PTK2B: variants seen among roughly 807,000 people sequenced by gnomAD.
PTK2B encodes the protein protein tyrosine kinase 2 beta, also known as protein-tyrosine kinase 2-beta.
In PTK2B, 71 loss-of-function variants were observed where a neutral mutation model predicts 142.9. The observed-to-expected ratio is 0.50, with a 90% CI of 0.41 to 0.61. The LOEUF is 0.61. Among genes scored for constraint, PTK2B ranks in the 20% least tolerant of loss-of-function variants. The pLI is 0.00. For missense variants in PTK2B, 1,105 were observed against 1,320.4 expected (o/e 0.84, Z 2.53); for synonymous variants, 519 against 503.4 (o/e 1.03, Z -0.42).
At chr8:27,383,935 G>A (rs570635346) in intron 1 of PTK2B, among the ~76,000 whole-genome samples, 5 of 149,096 alleles carry the variant, frequency 3.4e-5, no homozygotes, top group East Asian at 2.0e-4. Flanking sequence ...CACAACCTTC[G>A]CCTCCCAGGT....
chr8:27,400,343 C>T (rs542264114), intron 2 of PTK2B, among the ~76,000 whole-genome samples: 74 of 151,822 alleles, frequency 4.9e-4, no homozygotes, highest in African/African-American at 1.7e-3. Context: ...TAAACAATTT[C>T]TTATTTGCCT....
chr8:27,337,528 C>T lies in PTK2B; in HGVS notation c.-38+11847C>T, dbSNP rs117635107. On this transcript the variant is annotated intron_variant, in intron 1 of 30. Transcript: ENST00000346049. ...AGTCACACCGTGTTCTCCACTCCCC[C>T]GTCCCCTGGCAAGACTAATCTACTT... Among the ~76,000 whole-genome samples the T allele has an allele frequency of 3.8e-3, 580 of 152,338 alleles. 1 individual carries two copies. Among genetic ancestry groups the T allele is most frequent in the Non-Finnish European group, 5.9e-3 (404 of 68,030 alleles).
intron 1 of PTK2B, among the ~76,000 whole-genome samples, chr8:27,370,437 C>T (rs1471616064): frequency 6.6e-6 from 1 of 152,226 alleles, no homozygotes; most frequent in Admixed American, 6.5e-5. Context: ...GTAAGTCTGA[C>T]AGTGTGTGAA....
chr8:27,416,820 G>A (rs1809429032), intron 2 of PTK2B, among the ~76,000 whole-genome samples: 1 of 152,156 alleles, frequency 6.6e-6, no homozygotes, highest in Admixed American at 6.5e-5. Context: ...ACTTTACAGA[G>A]GAAGGTATAT....
chr8:27,417,358 T>G (rs1809463441), intron 2 of PTK2B, among the ~76,000 whole-genome samples: 1 of 152,186 alleles, frequency 6.6e-6, no homozygotes, highest in South Asian at 2.1e-4. Context: ...TGATTCCATT[T>G]ATACGAAGTT....
chr8:27,406,650 G>C (rs1262981434), intron 2 of PTK2B, among the ~76,000 whole-genome samples: 1 of 152,142 alleles, frequency 6.6e-6, no homozygotes, highest in Non-Finnish European at 1.5e-5. Flanking sequence ...TGGTTCTCAC[G>C]ATGATTGGGG....
chr8:27,375,988 G>C (rs957247953), intron 1 of PTK2B, among the ~76,000 whole-genome samples: 10 of 152,224 alleles, frequency 6.6e-5, no homozygotes, highest in African/African-American at 2.4e-4. Context: ...AGTCTGCTCA[G>C]CCGTGCTGTG....
chr8:27,335,828 CAG>C lies in PTK2B; in HGVS notation c.-38+10148_-38+10149del, dbSNP rs377241664. 1.6e-3 allele frequency among the ~76,000 whole-genome samples: 248 copies of C among 152,230 alleles called. 1 individual carries two copies. Among genetic ancestry groups the C allele is most frequent in the African/African-American group, 4.5e-3 (187 of 41,522 alleles). On this transcript the variant is annotated intron_variant, in intron 1 of 30. Coordinates refer to ENST00000346049, the MANE Select transcript of PTK2B (RefSeq NM_173176.3). Reference sequence around the variant, plus strand: ...CCTGTTTTTTATTTGTATGTGCAATCAGGGGGTGTGGGGACTTTTTAGCAAAG... The same window carrying C: ...CCTGTTTTTTATTTGTATGTGCAATCGGGGTGTGGGGACTTTTTAGCAAAG...
At chr8:27,359,093 T>C (rs547912631) in intron 1 of PTK2B, among the ~76,000 whole-genome samples, 1 of 152,296 alleles carries the variant, frequency 6.6e-6, no homozygotes, top group East Asian at 1.9e-4. Context: ...ATACCTTCTT[T>C]TTTTTCTATT....
At chr8:27,442,650 A>T (rs958608497) in intron 21 of PTK2B, among the ~76,000 whole-genome samples, 6 of 152,086 alleles carry the variant, frequency 3.9e-5, no homozygotes, top group Non-Finnish European at 7.4e-5. Context: ...TCCACCTTGG[A>T]TCCATTCCTG....
rs777762791 is a variant in PTK2B, at chr8:27,437,080, AC to A, written c.1342-41del. ...GCCAGGAGGGAACATTCTGCTGAGC[AC>A]TGGGCTGGACCAAGGGGTCCTGAAC... On this transcript the variant is annotated intron_variant, in intron 15 of 30. Transcript: ENST00000346049. The A allele has an allele frequency of 8.9e-6, 14 of 1,575,758 alleles. No individual in the cohort carries two copies. The Admixed American group carries it at 1.3e-4, about 15-fold the overall frequency.
In PTK2B at chr8:27,442,921, A is replaced by G; in HGVS notation, c.2086A>G (p.Asn696Asp). The change falls in exon 22 of 31, where the codon AAT becomes GAT. Residue 696 changes from asparagine (N) to aspartate (D), a missense_variant. Coordinates refer to ENST00000346049, the MANE Select transcript of PTK2B (RefSeq NM_173176.3). The stretch of plus-strand genomic sequence containing the variant: ...GGACATTGCCATGGAGCAAGAGAGG[A>G]ATGCTCGCTACCGAACCCCCAAAAT... ...EKDIAMEQER[N>D]ARYRTPKILE... is the part of the protein sequence containing the mutation. The G allele has an allele frequency of 6.2e-7, 1 of 1,614,132 alleles. No homozygotes were observed. The highest frequency in any genetic ancestry group is 8.5e-7 in the Non-Finnish European group (1 of 1,180,004).
chr8:27,334,497 C>T (rs1231912485), intron 1 of PTK2B, among the ~76,000 whole-genome samples: 7 of 152,204 alleles, frequency 4.6e-5, no homozygotes, highest in African/African-American at 1.7e-4. Context: ...TGGAGGACAT[C>T]TGAGCTCCCC....
chr8:27,378,601 C>CTG (rs58485965), intron 1 of PTK2B, among the ~76,000 whole-genome samples: 4,742 of 148,016 alleles, frequency 0.032, 108 homozygotes, highest in Non-Finnish European at 0.039. Flanking sequence ...TACAGCTTAT[C>CTG]TGTGTGTGTG....
At chr8:27,406,920 C>G (rs1196034864) in intron 2 of PTK2B, among the ~76,000 whole-genome samples, 1 of 152,134 alleles carries the variant, frequency 6.6e-6, no homozygotes, top group Non-Finnish European at 1.5e-5. Flanking sequence ...ATAGTAACTG[C>G]TTTAAAAGAT....
rs562418559 is a variant in PTK2B, at chr8:27,427,043, G to A, written c.552-3050G>A. 7.3e-4 allele frequency among the ~76,000 whole-genome samples: 111 copies of A among 152,232 alleles called. No homozygotes were observed. In the Middle Eastern group the frequency reaches 0.01, roughly 14 times the overall value. ...GAGTGGCTTTAGGAGACCACTCTCC[G>A]TCGTGGCTGGGAAGCAGATCTCACC... On this transcript the variant is annotated intron_variant, in intron 5 of 30. Coordinates refer to ENST00000346049, the MANE Select transcript of PTK2B (RefSeq NM_173176.3).
chr8:27,383,570 T>G (rs1483447565), intron 1 of PTK2B, among the ~76,000 whole-genome samples: 2 of 152,132 alleles, frequency 1.3e-5, no homozygotes, highest in Non-Finnish European at 2.9e-5. Context: ...CCTCTGTTTC[T>G]TTCATCAGTG....
chr8:27,365,432 A>G (rs1433856393), intron 1 of PTK2B, among the ~76,000 whole-genome samples: 1 of 152,214 alleles, frequency 6.6e-6, no homozygotes, highest in Non-Finnish European at 1.5e-5. Flanking sequence ...TTGGAAAAAG[A>G]AAGAGTTTAG....
chr8:27,435,640 C>A lies in PTK2B; in HGVS notation c.1193-103C>A, dbSNP rs1168993903. On this transcript the variant is annotated intron_variant, in intron 13 of 30. Transcript: ENST00000346049. The stretch of plus-strand genomic sequence containing the variant: ...ACATGCCTGGCTTCTCCTCCTACCC[C>A]CTTGGGCTCCACTGGCCTCCAGCAG... 7.1e-6 allele frequency: 10 copies of A among 1,398,752 alleles called. 1 individual carries two copies. In the South Asian group the frequency reaches 9.3e-5, roughly 13 times the overall value. The allele number at this position is 1,398,752 out of a possible 1,614,324, so 86.6% of individuals were successfully genotyped here. A position where few individuals can be genotyped will look rare whatever the true frequency, so the allele number is the denominator to read the frequency against.
Sources: allele counts gnomAD v4.1 joint callset (sites outside exome capture counted in the v4.1 genomes callset), GRCh38; gene constraint gnomAD v4.1.1; transcripts MANE v1.5; gene names NCBI Gene and HGNC (gene_info 2026-07-23, HGNC 2026-07-21).